Variants in TTC39A observed in about 807,000 individuals in gnomAD.
TTC39A encodes the protein tetratricopeptide repeat protein 39A.
TTC39A carries 46 observed loss-of-function variants against 82.3 expected under a neutral mutation model. The ratio of observed to expected loss-of-function variants is 0.56; its 90% CI spans 0.44 to 0.71. TTC39A has a LOEUF of 0.71. Among genes scored for constraint, TTC39A ranks in the 30% least tolerant of loss-of-function variants. The pLI, the probability that TTC39A is intolerant of heterozygous loss-of-function variation, is 0.00. For synonymous variants in TTC39A, 254 were observed against 275.2 expected (o/e 0.92, Z 0.76); for missense variants, 543 against 712.9 (o/e 0.76, Z 2.71).
Position 51,294,576 on chromosome 1 carries a change from G to A in TTC39A, c.1146-65C>T. ...AGCAGGAGAGGGCAGAGGGTCCCCA[G>A]CCTACCCAGCTATGCTTGGCGCCTC... On this transcript the variant is annotated intron_variant, in intron 13 of 17. Coordinates refer to ENST00000680483, the MANE Select transcript of TTC39A (RefSeq NM_001297663.2). This position sits in a 1 kb window ranked among gnomAD's most constrained non-coding sequence, Gnocchi z 4.3. The A allele has an allele frequency of 6.2e-7, 1 of 1,603,750 alleles. No individual in the cohort carries two copies. Among genetic ancestry groups the A allele is most frequent in the Non-Finnish European group, 8.5e-7 (1 of 1,175,446 alleles).
chr1:51,322,406 T>C (rs1645563132), intron 1 of TTC39A: 1 of 828,664 alleles, frequency 1.2e-6, no homozygotes, highest in Non-Finnish European at 1.7e-6. Flanking sequence ...TACGTTTCTC[T>C]ATAGCTTTTA....
chr1:51,319,981 C>A (rs145685788), intron 2 of TTC39A, among the ~76,000 whole-genome samples: 1 of 152,174 alleles, frequency 6.6e-6, no homozygotes, highest in East Asian at 1.9e-4. Flanking sequence ...TGAGCCACTG[C>A]GCCCAGACTT....
At chr1:51,338,494 CA>C (rs1645999616) in intron 1 of TTC39A, among the ~76,000 whole-genome samples, 1 of 151,190 alleles carries the variant, frequency 6.6e-6, no homozygotes, top group Non-Finnish European at 1.5e-5. Context: ...AGAAGGTGTT[CA>C]GGGGAGAGGA....
intron 1 of TTC39A, among the ~76,000 whole-genome samples, chr1:51,342,480 C>T (rs1325178647): frequency 1.3e-5 from 2 of 152,190 alleles, no homozygotes; most frequent in Non-Finnish European, 2.9e-5. Context: ...AACAATGAAT[C>T]AATGTCAAAG....
intron 12 of TTC39A, chr1:51,300,171 T>A (rs1228129373): frequency 1.3e-5 from 2 of 152,232 alleles, no homozygotes; most frequent in Non-Finnish European, 2.9e-5. Context: ...AAAGTCACAG[T>A]CCTCGCTTAG....
At chr1:51,293,141 C>T (rs1310295952) in intron 14 of TTC39A, among the ~76,000 whole-genome samples, 3 of 150,812 alleles carry the variant, frequency 2.0e-5, no homozygotes, top group Admixed American at 1.3e-4. Flanking sequence ...GATCTCAGCT[C>T]ACTGCAACCT....
intron 1 of TTC39A, among the ~76,000 whole-genome samples, chr1:51,342,766 C>G (rs1307308367): frequency 1.3e-5 from 2 of 152,218 alleles, no homozygotes; most frequent in Non-Finnish European, 2.9e-5. Context: ...TGTGTGCAGG[C>G]TCACAATGCA....
At chr1:51,303,796 G>A (rs576254383) in intron 8 of TTC39A, among the ~76,000 whole-genome samples, 1 of 152,302 alleles carries the variant, frequency 6.6e-6, no homozygotes, top group East Asian at 1.9e-4. Context: ...GCCCAGGCTG[G>A]CACAGTAGGT....
At chr1:51,305,271 T>G in intron 7 of TTC39A, 125 bp from the exon 8 acceptor site, 1 of 875,480 alleles carries the variant, frequency 1.1e-6, no homozygotes, top group Non-Finnish European at 1.8e-6. Flanking sequence ...CCTCTAACTT[T>G]GAAAGCCTCT....
Position 51,340,624 on chromosome 1 carries a change from C to G in TTC39A, c.53+4367G>C, listed in dbSNP as rs1646022891. ...GGGAACAGTGATTGGTTGAAGGAAG[C>G]ACCAGTCAGAGTAGTCTCCTGAGCT... is the stretch of plus-strand genomic sequence containing the variant. On this transcript the variant is annotated intron_variant, in intron 1 of 5. Transcript: ENST00000401051. 2.6e-5 allele frequency among the ~76,000 whole-genome samples: 4 copies of G among 152,204 alleles called. No homozygotes were observed. The South Asian group carries it at 8.3e-4, about 31-fold the overall frequency.
chr1:51,288,756 T>C lies in TTC39A; in HGVS notation c.1610+83A>G, dbSNP rs1644087355. 7.4e-7 allele frequency: 1 copy of C among 1,342,962 alleles called. No homozygotes were observed. The highest frequency in any genetic ancestry group is 1.0e-6 in the Non-Finnish European group (1 of 964,142). 83.2% of individuals were successfully genotyped at this position (1,342,962 alleles called of 1,614,324 possible). On this transcript the variant is annotated intron_variant, in intron 17 of 17. Transcript: ENST00000680483. This position sits in a 1 kb window ranked among gnomAD's most constrained non-coding sequence, Gnocchi z 4.8. ...CCTTGCTAGCAACTCCACTCACTGC[T>C]CTCTGGGCAACTCTGTCCCCAGCCA...
intron 1 of TTC39A, among the ~76,000 whole-genome samples, chr1:51,323,941 A>T (rs895310074): frequency 1.3e-5 from 2 of 152,146 alleles, no homozygotes; most frequent in Non-Finnish European, 2.9e-5. Context: ...TTGCAATTAT[A>T]TTACAAATTC....
At chr1:51,293,121 G>A (rs1369837883) in intron 14 of TTC39A, among the ~76,000 whole-genome samples, 1 of 149,238 alleles carries the variant, frequency 6.7e-6, no homozygotes, top group Admixed American at 6.7e-5. Context: ...AGGCTGGAGT[G>A]CAATGGCACG....
chr1:51,307,273 G>A (rs1644906079), intron 6 of TTC39A, among the ~76,000 whole-genome samples: 1 of 152,160 alleles, frequency 6.6e-6, no homozygotes, highest in Admixed American at 6.5e-5. Flanking sequence ...TGGTAGGGAG[G>A]CTGACGGGGC....
intron 1 of TTC39A, among the ~76,000 whole-genome samples, chr1:51,336,353 G>A (rs540376924): frequency 3.3e-4 from 50 of 152,190 alleles, no homozygotes; most frequent in Middle Eastern, 3.4e-3. Flanking sequence ...CTGCCCCACT[G>A]TGGGGCAGTT....
At chr1:51,336,803 T>C (rs982217825) in intron 1 of TTC39A, among the ~76,000 whole-genome samples, 2 of 152,140 alleles carry the variant, frequency 1.3e-5, no homozygotes, top group Non-Finnish European at 2.9e-5. Context: ...ACCAACCTCA[T>C]TAGGTTGTTG....
At position 51,309,269 on chromosome 1, in the gene TTC39A, C is replaced by G. The variant is rs781590778; in HGVS notation, c.480G>C (p.Gln160His). ...TGGCCAGCCCCACTCACTTGTAGGT[C>G]TGGTAGCTGTTTCGAACTTTGATGC... ...KGGIKVRNSY[Q>H]TYKELDSLVQ... Residue 160 changes from glutamine (Q) to histidine (H), a missense_variant, in exon 6 of 18, where the codon CAG becomes CAC. Gln to His is a conservative substitution (Grantham distance 24). Coordinates refer to ENST00000680483, the MANE Select transcript of TTC39A (RefSeq NM_001297663.2). 2 of 1,610,200 alleles carry G rather than the reference C, an allele frequency of 1.2e-6. No homozygotes were observed. Among genetic ancestry groups the G allele is most frequent in the Non-Finnish European group, 1.7e-6 (2 of 1,178,066 alleles).
Position 51,294,356 on chromosome 1 carries a change from C to A in TTC39A, c.1266+35G>T, listed in dbSNP as rs779629189. On this transcript the variant is annotated intron_variant, in intron 14 of 17. Coordinates refer to ENST00000680483, the MANE Select transcript of TTC39A (RefSeq NM_001297663.2). The surrounding 1 kb of genome is among the most constrained non-coding windows in gnomAD (Gnocchi z 4.3). ...TCAGTGAATCCCCACAATCCTATAC[C>A]CGGAGGGCAGCGCCAGTCCAGACCT... 1 of 1,613,664 alleles carries A rather than the reference C, an allele frequency of 6.2e-7. No homozygotes were observed. Among genetic ancestry groups the A allele is most frequent in the Non-Finnish European group, 8.5e-7 (1 of 1,179,744 alleles).
At chr1:51,341,104 G>T (rs931064437) in intron 1 of TTC39A, among the ~76,000 whole-genome samples, 3 of 152,192 alleles carry the variant, frequency 2.0e-5, no homozygotes, top group African/African-American at 7.2e-5. Context: ...GGAGGTTGCA[G>T]TGAGCCGAGA....
Sources: gnomAD v4.1 joint callset for allele counts (sites outside exome capture counted in the v4.1 genomes callset) on GRCh38, gnomAD v4.1.1 for gene constraint, Gnocchi (gnomAD v3.1) non-coding constraint, MANE v1.5 for transcripts, NCBI Gene and HGNC (gene_info 2026-07-23, HGNC 2026-07-21) for gene names.